The following SLC27A2 variants were observed in gnomAD, a reference collection of about 807,000 sequenced individuals.
SLC27A2 encodes the protein solute carrier family 27 member 2.
Under a neutral mutation model 60.0 loss-of-function variants are expected in SLC27A2, and 54 were observed. The ratio of observed to expected loss-of-function variants is 0.90; its 90% CI spans 0.72 to 1.13. The LOEUF is 1.13. Among genes scored for constraint, SLC27A2 ranks in the 50% most tolerant of loss-of-function variants. SLC27A2 has a pLI of 0.00. For missense variants in SLC27A2, 739 were observed against 777.6 expected (o/e 0.95, Z 0.59); for synonymous variants, 297 against 297.6 (o/e 1.00, Z 0.02).
intron 2 of SLC27A2, among the ~76,000 whole-genome samples, chr15:50,200,423 AT>A (rs1407496952): frequency 9.3e-5 from 14 of 151,026 alleles, no homozygotes; most frequent in Admixed American, 9.2e-4. Context: ...CTCAAAAATA[AT>A]AATAATAATA....
At chr15:50,192,545 T>A (rs1311466569) in intron 1 of SLC27A2, among the ~76,000 whole-genome samples, 1 of 152,112 alleles carries the variant, frequency 6.6e-6, no homozygotes, top group African/African-American at 2.4e-5. Context: ...TTTTTCTTTT[T>A]TTTTAAATTT....
Position 50,227,051 on chromosome 15 carries a change from C to T in SLC27A2, c.1330C>T (p.Gln444Ter). The change falls in exon 7 of 10, where the codon CAG becomes TAG. Residue 444 changes from glutamine to a stop codon, truncating the protein, a stop_gained. Coordinates refer to ENST00000267842, the MANE Select transcript of SLC27A2 (RefSeq NM_003645.4). LOFTEE classifies it high-confidence loss of function. ...PFNGYAGAKA[Q>*]TEKKKLRDVF... The stretch of plus-strand genomic sequence containing the variant: ...TAATGGCTATGCTGGAGCAAAGGCT[C>T]AGACAGAGAAGAAAAAACTGAGAGA... The T allele has an allele frequency of 1.2e-6, 2 of 1,614,144 alleles. No homozygotes were observed. Among genetic ancestry groups the T allele is most frequent in the Non-Finnish European group, 1.7e-6 (2 of 1,180,010 alleles).
intron 4 of SLC27A2, among the ~76,000 whole-genome samples, chr15:50,205,655 CA>C (rs1171200227): frequency 6.6e-6 from 1 of 152,102 alleles, no homozygotes; most frequent in African/African-American, 2.4e-5. Flanking sequence ...AAGCCAGTGT[CA>C]AAGCCCAGTT....
rs748834213 is a variant in SLC27A2 at position 50,205,306 on chromosome 15, C to A, written c.915C>A (p.Asn305Lys). Residue 305 changes from asparagine to lysine, a missense_variant, in exon 4 of 10, where the codon AAC becomes AAA. Transcript: ENST00000267842. Reference sequence around the variant, plus strand: ...TTTGGGATGACTGCAGAAAATACAACGTCACTGTCATTCAGTATATCGGTG... The same window carrying A: ...TTTGGGATGACTGCAGAAAATACAAAGTCACTGTCATTCAGTATATCGGTG... ...SQFWDDCRKYNVTVIQYIGEL... is the reference protein window; with the variant it reads ...SQFWDDCRKYKVTVIQYIGEL... 6.2e-7 allele frequency: 1 copy of A among 1,611,172 alleles called. No homozygotes were observed. Among genetic ancestry groups the A allele is most frequent in the East Asian group, 2.2e-5 (1 of 44,828 alleles).
intron 4 of SLC27A2, among the ~76,000 whole-genome samples, chr15:50,209,662 G>A (rs1035013328): frequency 9.9e-5 from 15 of 152,166 alleles, no homozygotes; most frequent in Admixed American, 6.5e-5. Flanking sequence ...GGCATTTTTA[G>A]ACAGTCCTTT....
In SLC27A2 at chr15:50,223,134, T is replaced by A. The variant is rs1394751299; in HGVS notation, c.1142T>A (p.Val381Asp). 6.2e-7 allele frequency: 1 copy of A among 1,613,544 alleles called. No homozygotes were observed. Among genetic ancestry groups the A allele is most frequent in the South Asian group, 1.1e-5 (1 of 90,944 alleles). The change falls in exon 5 of 10, where the codon GTT becomes GAT. Residue 381 changes from valine (V) to aspartate (D), a missense_variant. Val to Asp is a radical substitution (Grantham distance 152). Transcript: ENST00000267842. Reference protein sequence around the residue: ...FMNYARKVGAVGRVNYLQKKI... With the variant: ...FMNYARKVGADGRVNYLQKKI... The stretch of plus-strand genomic sequence containing the variant: ...AATTATGCGAGAAAAGTTGGTGCTG[T>A]TGGAAGAGTAAACTACCTACAGAAA...
At chr15:50,205,189 G>T (rs760649565) in intron 3 of SLC27A2, 50 bp from the exon 4 acceptor site, 7 of 1,559,358 alleles carry the variant, frequency 4.5e-6, no homozygotes, top group African/African-American at 2.7e-5. Flanking sequence ...ATAACTGGGA[G>T]AATTTTTTCC....
intron 3 of SLC27A2, among the ~76,000 whole-genome samples, chr15:50,204,439 A>G (rs1230114630): frequency 1.3e-5 from 2 of 151,964 alleles, no homozygotes; most frequent in African/African-American, 4.8e-5. Flanking sequence ...CCTGGGCAAT[A>G]GAGTGAGACC....
intron 1 of SLC27A2, among the ~76,000 whole-genome samples, chr15:50,186,552 C>T (rs1019418481): frequency 6.6e-6 from 1 of 152,210 alleles, no homozygotes; most frequent in Non-Finnish European, 1.5e-5. Flanking sequence ...ATTCTCCTAC[C>T]TCAGCCCCTC....
At position 50,196,073 on chromosome 15, in the gene SLC27A2, AAAAAATATATATATATATATATAT is replaced by A. The variant is rs2045017236; in HGVS notation, c.479-1425_479-1402del. Among the ~76,000 whole-genome samples the A allele has an allele frequency of 6.2e-4, 12 of 19,208 alleles. 1 individual carries two copies. The highest frequency in any genetic ancestry group is 2.9e-3 in the South Asian group (1 of 346). The allele number at this position is 19,208 out of a possible 152,430, so 12.6% of individuals were successfully genotyped here. ...TGTCTCAAAAAAAAAAAAAAAAAAA[AAAAAATATATATATATATATATAT>A]ATATATATATATATATATATATATA... On this transcript the variant is annotated intron_variant, in intron 1 of 9. Coordinates refer to ENST00000267842, the MANE Select transcript of SLC27A2 (RefSeq NM_003645.4).
intron 4 of SLC27A2, among the ~76,000 whole-genome samples, chr15:50,212,105 CA>C: frequency 7.8e-6 from 1 of 128,682 alleles, no homozygotes; most frequent in Admixed American, 7.6e-5. Context: ...ATGAAAAAAA[CA>C]AGCAAAAATT....
At position 50,182,398 on chromosome 15, in the gene SLC27A2, C is replaced by A; in HGVS notation, c.-30C>A. 4 of 1,554,362 alleles carry A rather than the reference C, an allele frequency of 2.6e-6. No homozygotes were observed. Among genetic ancestry groups the A allele is most frequent in the Non-Finnish European group, 3.5e-6 (4 of 1,148,006 alleles). ...GCACGCCCGGGGTGAACCCTCTGCC[C>A]TCGCTGGGACAGAGGGCCCCGCAGC... On this transcript the variant is annotated 5_prime_UTR_variant, in exon 1 of 10. Transcript: ENST00000267842.
chr15:50,188,984 T>TAGAG (rs1192277233), intron 1 of SLC27A2, among the ~76,000 whole-genome samples: 98 of 97,760 alleles, frequency 1.0e-3, no homozygotes, highest in African/African-American at 3.7e-3. Flanking sequence ...GATAGATAAA[T>TAGAG]AGATAGATAG....
chr15:50,217,987 G>A (rs1361713726), intron 4 of SLC27A2, among the ~76,000 whole-genome samples: 2 of 144,806 alleles, frequency 1.4e-5, no homozygotes, highest in African/African-American at 5.1e-5. Context: ...CCGGGAGGCA[G>A]AGGTTGCATC....
chr15:50,234,702 T>A (rs2045339081), intron 9 of SLC27A2, among the ~76,000 whole-genome samples: 1 of 151,508 alleles, frequency 6.6e-6, no homozygotes, highest in Non-Finnish European at 1.5e-5. Flanking sequence ...AAGGCTGCAG[T>A]GAGGTATGAT....
intron 4 of SLC27A2, among the ~76,000 whole-genome samples, chr15:50,214,016 G>A (rs2045177513): frequency 6.6e-6 from 1 of 151,510 alleles, no homozygotes; most frequent in East Asian, 1.9e-4. Context: ...AAAGATAAAT[G>A]AAACAAAAAG....
At chr15:50,225,623 A>G (rs2045272887) in intron 5 of SLC27A2, among the ~76,000 whole-genome samples, 1 of 152,230 alleles carries the variant, frequency 6.6e-6, no homozygotes, top group African/African-American at 2.4e-5. Flanking sequence ...AAATCGTGGT[A>G]TGTTTATACA....
rs532446548 is a variant in SLC27A2 at position 50,184,131 on chromosome 15, C to T, written c.478+1226C>T. 3.3e-5 allele frequency among the ~76,000 whole-genome samples: 5 copies of T among 151,272 alleles called. No individual in the cohort carries two copies. In the South Asian group the frequency reaches 8.4e-4, roughly 25 times the overall value. ...TCAGCCTCTCAAGTAGCTGGGACCACAGGCATGCACCACCATGCCCAGCTA... is the reference window on the plus strand; with the variant it reads ...TCAGCCTCTCAAGTAGCTGGGACCATAGGCATGCACCACCATGCCCAGCTA... On this transcript the variant is annotated intron_variant, in intron 1 of 9. Transcript: ENST00000267842.
At chr15:50,183,803 A>T (rs1377191341) in intron 1 of SLC27A2, among the ~76,000 whole-genome samples, 1 of 152,040 alleles carries the variant, frequency 6.6e-6, no homozygotes, top group Non-Finnish European at 1.5e-5. Context: ...GTAGGGGTCG[A>T]GGGAGCCGAG....
Sources: gnomAD v4.1 joint callset for allele counts (sites outside exome capture counted in the v4.1 genomes callset) on GRCh38, gnomAD v4.1.1 for gene constraint, MANE v1.5 for transcripts, NCBI Gene and HGNC (gene_info 2026-07-23, HGNC 2026-07-21) for gene names.